ETNK1: variants seen among roughly 807,000 people sequenced by gnomAD.
ETNK1 encodes putative protein product of Nbla10396.
In ETNK1, 8 loss-of-function variants were observed where a neutral mutation model predicts 45.1. The observed-to-expected ratio is 0.18, with a 90% CI of 0.10 to 0.32. The LOEUF (loss-of-function observed/expected upper bound fraction) is 0.32, where lower values mean the gene tolerates loss of function less well. Ranked by LOEUF, ETNK1 falls within the 10% of genes least tolerant of loss-of-function variation. The pLI, the probability that ETNK1 is intolerant of heterozygous loss-of-function variation, is 1.00. For synonymous variants in ETNK1, 152 were observed against 151.9 expected, an observed-to-expected ratio of 1.00 and a Z score of -0.01; for missense variants, 302 against 430.6, an observed-to-expected ratio of 0.70 and a Z score of 2.64.
intron 1 of ETNK1, among the ~76,000 whole-genome samples, chr12:22,637,337 T>G (rs1486047191): frequency 6.6e-6 from 1 of 152,242 alleles, no homozygotes; most frequent in Non-Finnish European, 1.5e-5. Context: ...GGAGAGGGGT[T>G]GTTTCAAGTA....
At chr12:22,680,903 CCT>C (rs200999211) in intron 6 of ETNK1, among the ~76,000 whole-genome samples, 4,468 of 130,058 alleles carry the variant, frequency 0.034, 284 homozygotes, top group Non-Finnish European at 0.059. Flanking sequence ...CCCGCCCCCC[CCT>C]CCATTATATG....
chr12:22,685,915 C>T lies in ETNK1; in HGVS notation c.*961C>T, dbSNP rs909345089. The stretch of plus-strand genomic sequence containing the variant: ...TTTAGGTTAATTATTTTTTACCTAT[C>T]CAGAGTCATTCCTTACATTTCAGTT... On this transcript the variant is annotated 3_prime_UTR_variant, in exon 8 of 8. Transcript: ENST00000266517. 6.6e-6 allele frequency: 1 copy of T among 152,060 alleles called. No individual in the cohort carries two copies. The highest frequency in any genetic ancestry group is 2.4e-5 in the African/African-American group (1 of 41,374). 9.4% of individuals were successfully genotyped at this position (152,060 alleles called of 1,614,324 possible).
rs1565441627 is a variant in ETNK1 at position 22,651,682 on chromosome 12, C to CCTTT, written c.417-7332_417-7331insCTTT. On this transcript the variant is annotated intron_variant, in intron 2 of 7. Coordinates refer to ENST00000266517, the MANE Select transcript of ETNK1 (RefSeq NM_018638.5). ...ATAATGTAAAACTACAATTCTATCCCTTTTTTTTTTTTTTTTTTTTGAGAC... is the reference window on the plus strand; with the variant it reads ...ATAATGTAAAACTACAATTCTATCCCCTTTTTTTTTTTTTTTTTTTTTTTGAGAC... Among the ~76,000 whole-genome samples, 4 of 131,050 alleles carry CCTTT rather than the reference C, an allele frequency of 3.1e-5. 1 individual carries two copies. The highest frequency in any genetic ancestry group is 1.6e-5 in the Non-Finnish European group (1 of 62,452). The allele number at this position is 131,050 out of a possible 152,430, so 86.0% of individuals were successfully genotyped here.
In ETNK1 at chr12:22,660,653, T is replaced by A. The variant is rs182645445; in HGVS notation, c.558-410T>A. On this transcript the variant is annotated intron_variant, in intron 3 of 7. Coordinates refer to ENST00000266517, the MANE Select transcript of ETNK1 (RefSeq NM_018638.5). ...AACCTTGAAATATGTATTTTTAATT[T>A]TTAAAATAATTTTTGTAACTTTAAA... Among the ~76,000 whole-genome samples, 76 of 152,288 alleles carry A rather than the reference T, an allele frequency of 5.0e-4. 1 individual carries two copies. The East Asian group carries it at 0.014, about 29-fold the overall frequency.
At position 22,688,595 on chromosome 12, in the gene ETNK1, T is replaced by A. The variant is rs1954279891; in HGVS notation, c.*3641T>A. 6.6e-6 allele frequency: 1 copy of A among 152,352 alleles called. No individual in the cohort carries two copies. Among genetic ancestry groups the A allele is most frequent in the Non-Finnish European group, 1.5e-5 (1 of 67,800 alleles). 9.4% of individuals were successfully genotyped at this position (152,352 alleles called of 1,614,324 possible). On this transcript the variant is annotated 3_prime_UTR_variant, in exon 8 of 8. Coordinates refer to ENST00000266517, the MANE Select transcript of ETNK1 (RefSeq NM_018638.5). ...GTTTTTAATAAGCATTCCAAAGTGATACAGACTTAAGCTTTTAATCAATCA... is the reference window on the plus strand; with the variant it reads ...GTTTTTAATAAGCATTCCAAAGTGAAACAGACTTAAGCTTTTAATCAATCA...
intron 2 of ETNK1, among the ~76,000 whole-genome samples, chr12:22,653,339 C>T (rs955762558): frequency 6.6e-6 from 1 of 152,072 alleles, no homozygotes; most frequent in Non-Finnish European, 1.5e-5. Context: ...TTTAGCTACT[C>T]GGGTCCCTTG....
chr12:22,644,157 T>G lies in ETNK1; in HGVS notation c.416+135T>G, dbSNP rs991410382. The G allele has an allele frequency of 9.8e-5, 150 of 1,524,234 alleles. 1 individual carries two copies. In the Middle Eastern group the frequency reaches 1.6e-3, roughly 16 times the overall value. The allele number at this position is 1,524,234 out of a possible 1,614,324, so 94.4% of individuals were successfully genotyped here. A position where few individuals can be genotyped will look rare whatever the true frequency, so the allele number is the denominator to read the frequency against. On this transcript the variant is annotated intron_variant, in intron 2 of 7. Transcript: ENST00000266517. Reference sequence around the variant, plus strand: ...AAACTTTCTTTAGCTAGGGTTTTTGTTTTTGTTCTTGTTTTCCCTAAAAAG... The same window carrying G: ...AAACTTTCTTTAGCTAGGGTTTTTGGTTTTGTTCTTGTTTTCCCTAAAAAG...
chr12:22,657,234 TA>T (rs1592127968), intron 2 of ETNK1, among the ~76,000 whole-genome samples: 2 of 152,300 alleles, frequency 1.3e-5, no homozygotes. Flanking sequence ...ATTTAGTTTA[TA>T]AAAATAAATG....
At chr12:22,648,818 T>G (rs11046517) in intron 2 of ETNK1, among the ~76,000 whole-genome samples, 7,186 of 152,134 alleles carry the variant, frequency 0.047, 558 homozygotes, top group African/African-American at 0.16. Context: ...AGAATGGCTG[T>G]GCTATTTTAC....
chr12:22,643,783 A>G lies in ETNK1; in HGVS notation c.177A>G (p.Thr59=). The G allele has an allele frequency of 6.2e-7, 1 of 1,612,022 alleles. No individual in the cohort carries two copies. The highest frequency in any genetic ancestry group is 8.5e-7 in the Non-Finnish European group (1 of 1,178,732). ...GGCAGCTCTTCACAGATGGAATCAC[A>G]AATAAACTTATTGGCTGTTACGTGG... ...VTLQLFTDGI[T]NKLIGCYVGN... Residue 59 remains threonine (T), a synonymous_variant, in exon 2 of 8, where the codon ACA becomes ACG. Transcript: ENST00000266517.
At chr12:22,668,495 T>C (rs1245576477) in intron 4 of ETNK1, among the ~76,000 whole-genome samples, 2 of 152,240 alleles carry the variant, frequency 1.3e-5, no homozygotes, top group Non-Finnish European at 1.5e-5. Context: ...TGCAATAGTT[T>C]GAAAAAGAAT....
intron 2 of ETNK1, among the ~76,000 whole-genome samples, chr12:22,658,637 AGCATGGGCAAGTGGGAATGTATAC>A (rs1293393156): frequency 6.6e-6 from 1 of 152,188 alleles, no homozygotes; most frequent in Non-Finnish European, 1.5e-5. Flanking sequence ...CTCCAAATAC[AGCATGGGCAAGTGGGAATGTATAC>A]CCAAGGAGCA....
At position 22,679,745 on chromosome 12, in the gene ETNK1, G is replaced by A. The variant is rs181187149; in HGVS notation, c.946-4738G>A. ...ATATGGAGTCTCACTCTATCGCCCAGCCTTGAGTGCAGTGGCACAATCTTG... is the reference window on the plus strand; with the variant it reads ...ATATGGAGTCTCACTCTATCGCCCAACCTTGAGTGCAGTGGCACAATCTTG... On this transcript the variant is annotated intron_variant, in intron 6 of 7. Transcript: ENST00000266517. 1.3e-4 allele frequency among the ~76,000 whole-genome samples: 19 copies of A among 145,830 alleles called. 1 individual carries two copies. The East Asian group carries it at 3.6e-3, about 28-fold the overall frequency.
intron 6 of ETNK1, among the ~76,000 whole-genome samples, chr12:22,675,028 T>C (rs534001168): frequency 6.6e-6 from 1 of 152,326 alleles, no homozygotes; most frequent in South Asian, 2.1e-4. Flanking sequence ...GTGGTAAAAG[T>C]TAACACTCAT....
At chr12:22,678,016 C>A (rs1012907087) in intron 6 of ETNK1, among the ~76,000 whole-genome samples, 1 of 152,162 alleles carries the variant, frequency 6.6e-6, no homozygotes, top group African/African-American at 2.4e-5. Context: ...TGGGATGTCA[C>A]AACTTTCTTG....
chr12:22,673,893 T>C (rs1483267331), intron 6 of ETNK1, among the ~76,000 whole-genome samples: 1 of 152,192 alleles, frequency 6.6e-6, no homozygotes, highest in Non-Finnish European at 1.5e-5. Flanking sequence ...CCTGGCCATA[T>C]GATAGGTACT....
intron 2 of ETNK1, among the ~76,000 whole-genome samples, chr12:22,647,933 C>T (rs537787019): frequency 2.0e-4 from 30 of 151,876 alleles, no homozygotes; most frequent in African/African-American, 7.0e-4. Flanking sequence ...GGAGAAGGAC[C>T]AATATATGAT....
chr12:22,648,925 T>G (rs1166250873), intron 2 of ETNK1, among the ~76,000 whole-genome samples: 1 of 152,088 alleles, frequency 6.6e-6, no homozygotes, highest in Non-Finnish European at 1.5e-5. Context: ...CTAATAGATA[T>G]ATAGTGGTAT....
intron 3 of ETNK1, among the ~76,000 whole-genome samples, chr12:22,659,667 A>C (rs925467959): frequency 2.0e-5 from 3 of 152,200 alleles, no homozygotes; most frequent in Non-Finnish European, 4.4e-5. Context: ...AGTTTTTGTG[A>C]GGATTGAGAT....
Sources: allele counts gnomAD v4.1 joint callset (sites outside exome capture counted in the v4.1 genomes callset), GRCh38; gene constraint gnomAD v4.1.1; transcripts MANE v1.5; gene names NCBI Gene and HGNC (gene_info 2026-07-23, HGNC 2026-07-21).